TAF3: variants seen among roughly 807,000 people sequenced by gnomAD.
The protein encoded by TAF3 is TATA-box binding protein associated factor 3.
Under a neutral mutation model 80.6 loss-of-function variants are expected in TAF3, and 7 were observed. The observed-to-expected ratio is 0.09, with a 90% CI of 0.05 to 0.16. The LOEUF (loss-of-function observed/expected upper bound fraction) is 0.16. TAF3 is among the 10% of genes least tolerant of loss of function. The pLI, the probability that TAF3 is intolerant of heterozygous loss-of-function variation, is 1.00. For synonymous variants in TAF3, 444 were observed against 446.1 expected (o/e 1.00, Z 0.06); for missense variants, 921 against 1,140.2 (o/e 0.81, Z 2.77).
At chr10:7,984,032 A>G (rs1484093704) in intron 4 of TAF3, among the ~76,000 whole-genome samples, 1 of 152,096 alleles carries the variant, frequency 6.6e-6, no homozygotes, top group African/African-American at 2.4e-5. Flanking sequence ...TGAAATTCCT[A>G]GGCTCTGAAC....
chr10:7,862,905 G>A (rs546187174), intron 2 of TAF3, among the ~76,000 whole-genome samples: 1 of 152,036 alleles, frequency 6.6e-6, no homozygotes, highest in Non-Finnish European at 1.5e-5. Flanking sequence ...GTTCCATTAC[G>A]TGTATATGCC....
chr10:7,826,477 C>T (rs1836742642), intron 2 of TAF3, among the ~76,000 whole-genome samples: 2 of 151,808 alleles, frequency 1.3e-5, no homozygotes, highest in African/African-American at 2.4e-5. Context: ...TTGATACTGA[C>T]TTCTGGCTGA....
chr10:7,964,459 A>C lies in TAF3; in HGVS notation c.949A>C (p.Ser317Arg). ...KEKKSPGRSK[S>R]PKSPKSPKVT... ...AAAGAAATCACCTGGACGTTCCAAG[A>C]GCCCCAAGAGTCCCAAGAGCCCCAA... Residue 317 changes from serine to arginine, a missense_variant, in exon 3 of 7, where the codon AGC becomes CGC. Coordinates refer to ENST00000344293, the MANE Select transcript of TAF3 (RefSeq NM_031923.4). The surrounding 1 kb of genome is among the most constrained non-coding windows in gnomAD (Gnocchi z 4.1). The C allele has an allele frequency of 6.2e-7, 1 of 1,613,850 alleles. No homozygotes were observed. The highest frequency in any genetic ancestry group is 8.5e-7 in the Non-Finnish European group (1 of 1,179,972).
chr10:7,875,974 T>C (rs1324287826), intron 2 of TAF3, among the ~76,000 whole-genome samples: 2 of 151,762 alleles, frequency 1.3e-5, no homozygotes. Context: ...TATTAAACTT[T>C]TATTTTATTT....
Position 7,990,480 on chromosome 10 carries a change from T to C in TAF3, c.2315+13157T>C, listed in dbSNP as rs561951014. 5.9e-5 allele frequency among the ~76,000 whole-genome samples: 9 copies of C among 152,352 alleles called. No individual in the cohort carries two copies. In the East Asian group the frequency reaches 1.7e-3, roughly 29 times the overall value. On this transcript the variant is annotated intron_variant, in intron 4 of 6. Coordinates refer to ENST00000344293, the MANE Select transcript of TAF3 (RefSeq NM_031923.4). ...CAAAGTACGTGGTCAGGGTAAATTT[T>C]GAATGACCGCTACATCTTTTTTCTC...
At chr10:7,936,821 T>C (rs1386989233) in intron 2 of TAF3, among the ~76,000 whole-genome samples, 5 of 152,274 alleles carry the variant, frequency 3.3e-5, no homozygotes, top group Non-Finnish European at 7.4e-5. Flanking sequence ...CAACATCCTC[T>C]TTGCTGCTTC....
chr10:7,818,660 G>A lies in TAF3; in HGVS notation c.-50G>A. ...GGGACCCTGCTAAGGTCTGGCGGCG[G>A]GGCTGGAGAGCAGTGGCAGCAAGGG... On this transcript the variant is annotated 5_prime_UTR_variant, in exon 1 of 7. Coordinates refer to ENST00000344293, the MANE Select transcript of TAF3 (RefSeq NM_031923.4). The A allele has an allele frequency of 2.5e-6, 4 of 1,581,028 alleles. No homozygotes were observed. The highest frequency in any genetic ancestry group is 3.4e-6 in the Non-Finnish European group (4 of 1,167,380).
intron 2 of TAF3, among the ~76,000 whole-genome samples, chr10:7,892,170 C>T (rs1410967630): frequency 1.3e-5 from 2 of 152,150 alleles, no homozygotes; most frequent in Non-Finnish European, 2.9e-5. Context: ...TCCTTAGCTT[C>T]TTTCTGGAAG....
chr10:7,896,792 G>A (rs1271570476), intron 2 of TAF3, among the ~76,000 whole-genome samples: 1 of 152,186 alleles, frequency 6.6e-6, no homozygotes, highest in Non-Finnish European at 1.5e-5. Context: ...GTTTCTGTAG[G>A]ACAGAAATTC....
In TAF3 at chr10:7,964,934, G is replaced by A. The variant is rs1429584978; in HGVS notation, c.1424G>A (p.Arg475His). The A allele has an allele frequency of 3.1e-6, 5 of 1,614,102 alleles. No homozygotes were observed. The highest frequency in any genetic ancestry group is 2.2e-5 in the East Asian group (1 of 44,870). ...GATGCCTCCATTGATGAGGTTGTAC[G>A]TAAAGCAAAACTGGGAACACCTTCA... ...TMDASIDEVV[R>H]KAKLGTPSNM... The change falls in exon 3 of 7, where the codon CGT becomes CAT. Residue 475 changes from arginine (R) to histidine (H), a missense_variant. By Grantham distance (29) the Arg-to-His change is conservative. Transcript: ENST00000344293. The surrounding 1 kb of genome is among the most constrained non-coding windows in gnomAD (Gnocchi z 4.1).
chr10:8,003,784 G>T (rs928181816), intron 4 of TAF3, among the ~76,000 whole-genome samples: 1 of 152,100 alleles, frequency 6.6e-6, no homozygotes, highest in Non-Finnish European at 1.5e-5. Context: ...AGTGGCATGC[G>T]CCTGTAATCC....
intron 2 of TAF3, among the ~76,000 whole-genome samples, chr10:7,861,183 C>T (rs1837142446): frequency 6.6e-6 from 1 of 152,132 alleles, no homozygotes; most frequent in Admixed American, 6.5e-5. Flanking sequence ...CCAGGGTGGT[C>T]TCGATCTCCT....
chr10:7,963,487 C>T (rs1831532609), intron 2 of TAF3, among the ~76,000 whole-genome samples: 1 of 152,218 alleles, frequency 6.6e-6, no homozygotes, highest in African/African-American at 2.4e-5. Flanking sequence ...TGATGGCACA[C>T]ATGTTTGGAA....
Position 7,863,708 on chromosome 10 carries a change from C to CATAT in TAF3, c.409+39156_409+39159dup, listed in dbSNP as rs1203098341. On this transcript the variant is annotated intron_variant, in intron 2 of 6. Transcript: ENST00000344293. ...ATACACACACATATATATATATACACATATATATATACACATATATATATA... is the reference window on the plus strand; with the variant it reads ...ATACACACACATATATATATATACACATATATATATATATACACATATATATATA... Among the ~76,000 whole-genome samples the CATAT allele has an allele frequency of 1.2e-3, 98 of 81,406 alleles. 8 individuals are homozygous for CATAT. Among genetic ancestry groups the CATAT allele is most frequent in the African/African-American group, 4.5e-3 (92 of 20,580 alleles). 53.4% of individuals were successfully genotyped at this position (81,406 alleles called of 152,430 possible).
chr10:7,869,985 T>C (rs1837249559), intron 2 of TAF3, among the ~76,000 whole-genome samples: 1 of 152,236 alleles, frequency 6.6e-6, no homozygotes, highest in Non-Finnish European at 1.5e-5. Flanking sequence ...CCCCAAGTTT[T>C]GCATATTTAA....
rs773729447 is a variant in TAF3 at position 7,964,242 on chromosome 10, C to T, written c.732C>T (p.Pro244=). The T allele has an allele frequency of 1.6e-5, 26 of 1,614,054 alleles. No individual in the cohort carries two copies. Among genetic ancestry groups the T allele is most frequent in the Admixed American group, 1.7e-5 (1 of 60,008 alleles). The change falls in exon 3 of 7, where the codon CCC becomes CCT. Residue 244 remains proline (P), a synonymous_variant. Transcript: ENST00000344293. This position sits in a 1 kb window ranked among gnomAD's most constrained non-coding sequence, Gnocchi z 4.1. ...QDSTDLAPPS[P]EPPMLAPVAK... is the part of the protein sequence containing the mutation. ...GTACAGACTTGGCACCTCCCTCACCCGAGCCGCCAATGTTGGCTCCAGTTG... is the reference window on the plus strand; with the variant it reads ...GTACAGACTTGGCACCTCCCTCACCTGAGCCGCCAATGTTGGCTCCAGTTG...
chr10:7,977,361 A>G, intron 4 of TAF3, 38 bp downstream of exon 4: 1 of 1,594,726 alleles, frequency 6.3e-7, no homozygotes. Flanking sequence ...GAAACAAATG[A>G]AATTTAACCT....
At position 7,989,728 on chromosome 10, in the gene TAF3, A is replaced by G. The variant is rs189839091; in HGVS notation, c.2315+12405A>G. 1.5e-3 allele frequency among the ~76,000 whole-genome samples: 232 copies of G among 152,312 alleles called. 1 individual carries two copies. Among genetic ancestry groups the G allele is most frequent in the Middle Eastern group, 0.01 (3 of 294 alleles). On this transcript the variant is annotated intron_variant, in intron 4 of 6. Coordinates refer to ENST00000344293, the MANE Select transcript of TAF3 (RefSeq NM_031923.4). ...TTTCCCATGCTGAATCATAAGCTTC[A>G]GCATTTCTTTAACAATATCTCGGCG...
At chr10:7,969,113 A>T (rs1205487236) in intron 3 of TAF3, among the ~76,000 whole-genome samples, 2 of 151,810 alleles carry the variant, frequency 1.3e-5, no homozygotes, top group African/African-American at 4.8e-5. Context: ...AGACCAGCCC[A>T]GGCAACATAG....
Sources: allele counts gnomAD v4.1 joint callset (sites outside exome capture counted in the v4.1 genomes callset), GRCh38; gene constraint gnomAD v4.1.1; non-coding constraint Gnocchi (gnomAD v3.1); transcripts MANE v1.5; gene names NCBI Gene and HGNC (gene_info 2026-07-23, HGNC 2026-07-21).